Variants in KHSRP observed in about 807,000 individuals in gnomAD.
The protein encoded by KHSRP is KH-type splicing regulatory protein.
In KHSRP, 13 loss-of-function variants were observed where a neutral mutation model predicts 94.9. The ratio of observed to expected loss-of-function variants is 0.14; its 90% CI spans 0.09 to 0.22. KHSRP has a LOEUF of 0.22. Among genes scored for constraint, KHSRP ranks in the 10% least tolerant of loss-of-function variants. The pLI, the probability that KHSRP is intolerant of heterozygous loss-of-function variation, is 1.00. For missense variants in KHSRP, 710 were observed against 1,010.0 expected (o/e 0.70, Z 4.03); for synonymous variants, 495 against 401.4 (o/e 1.23, Z -2.79).
At chr19:6,417,643 C>T in intron 11 of KHSRP, 96 bp downstream of exon 11, 2 of 967,660 alleles carry the variant, frequency 2.1e-6, no homozygotes, top group Non-Finnish European at 1.6e-6. Flanking sequence ...GCTATGGAGG[C>T]CACCTGGCTG....
intron 6 of KHSRP, 102 bp from the exon 7 acceptor site, chr19:6,419,362 G>C: frequency 1.0e-6 from 1 of 998,380 alleles, no homozygotes; most frequent in Non-Finnish European, 1.5e-6. Flanking sequence ...GGCCACTTCT[G>C]TCCCATTCAG....
chr19:6,414,137 GAT>G lies in KHSRP; in HGVS notation c.*885_*886del. The G allele has an allele frequency of 1.1e-6, 1 of 947,432 alleles. No homozygotes were observed. The highest frequency in any genetic ancestry group is 1.3e-5 in the South Asian group (1 of 78,560). 58.7% of individuals were successfully genotyped at this position (947,432 alleles called of 1,614,324 possible). On this transcript the variant is annotated 3_prime_UTR_variant, in exon 19 of 19. Transcript: ENST00000600480. Reference sequence around the variant, plus strand: ...TCATTGAGCCTGCGGAGAGGGAAGAGATAGGAATTGGTCACTACGGGGAGGGA... The same window carrying G: ...TCATTGAGCCTGCGGAGAGGGAAGAGAGGAATTGGTCACTACGGGGAGGGA...
At position 6,418,652 on chromosome 19, in the gene KHSRP, TGG is replaced by T. The variant is rs1157894419; in HGVS notation, c.780+48_780+49del. On this transcript the variant is annotated intron_variant, in intron 8 of 18. Coordinates refer to ENST00000600480, the MANE Select transcript of KHSRP (RefSeq NM_001366299.1). This position sits in a 1 kb window ranked among gnomAD's most constrained non-coding sequence, Gnocchi z 4.3. ...TCCTGGGCTGCTGTGGTGGTGGCGG[TGG>T]GGTGTGGCACACGGATGCAGAGGAA... 6.2e-7 allele frequency: 1 copy of T among 1,613,318 alleles called. No individual in the cohort carries two copies. Among genetic ancestry groups the T allele is most frequent in the Non-Finnish European group, 8.5e-7 (1 of 1,179,402 alleles).
Position 6,418,783 on chromosome 19 carries a change from G to T in KHSRP, c.699C>A (p.Gly233=), listed in dbSNP as rs1808807004. The T allele has an allele frequency of 6.2e-7, 1 of 1,603,634 alleles. No homozygotes were observed. Among genetic ancestry groups the T allele is most frequent in the Non-Finnish European group, 8.5e-7 (1 of 1,176,874 alleles). ...FHDNANGGQN[G]TVQEIMIPAG... ...CGGGGATCATGATCTCCTGCACGGT[G>T]CCGTTCTGGCCCCCGTTGGCGTTGT... The change falls in exon 8 of 19, where the codon GGC becomes GGA. Residue 233 remains glycine, a synonymous_variant. Transcript: ENST00000600480. The surrounding 1 kb of genome is among the most constrained non-coding windows in gnomAD (Gnocchi z 4.3).
Position 6,415,148 on chromosome 19 carries a change from T to C in KHSRP, c.2120A>G (p.Gln707Arg). Residue 707 changes from glutamine (Q) to arginine (R), a missense_variant, in exon 19 of 19, where the codon CAG becomes CGG. Transcript: ENST00000600480. ...GPQPPPTQQGQQQASGNCHPP... is the reference protein window; with the variant it reads ...GPQPPPTQQGRQQASGNCHPP... ...GTGGCAATTCCCACTTGCCTGCTGC[T>C]GTCCCTGCTGCGTGGGCGGCGGCTG... 2 of 1,604,168 alleles carry C rather than the reference T, an allele frequency of 1.2e-6. No individual in the cohort carries two copies. Among genetic ancestry groups the C allele is most frequent in the Non-Finnish European group, 1.7e-6 (2 of 1,178,732 alleles).
chr19:6,421,443 G>A (rs1224869447), intron 3 of KHSRP, 126 bp from the exon 4 acceptor site: 2 of 1,047,884 alleles, frequency 1.9e-6, no homozygotes, highest in Non-Finnish European at 2.8e-6. Context: ...GTGCCTCATG[G>A]ATGCTGTGGA....
Position 6,414,209 on chromosome 19 carries a change from C to A in KHSRP, c.*815G>T. The A allele has an allele frequency of 6.8e-7, 1 of 1,464,628 alleles. No homozygotes were observed. The highest frequency in any genetic ancestry group is 9.1e-7 in the Non-Finnish European group (1 of 1,102,310). The allele number at this position is 1,464,628 out of a possible 1,614,324, so 90.7% of individuals were successfully genotyped here. A position where few individuals can be genotyped will look rare whatever the true frequency, so the allele number is the denominator to read the frequency against. On this transcript the variant is annotated 3_prime_UTR_variant, in exon 19 of 19. Transcript: ENST00000600480. ...CGGAAGAGAGGAGGGGCTGGAACACCGTGGGGGGGGCCAGGAAGCCCCCTC... is the reference window on the plus strand; with the variant it reads ...CGGAAGAGAGGAGGGGCTGGAACACAGTGGGGGGGGCCAGGAAGCCCCCTC...
rs1449264330 is a variant in KHSRP, at chr19:6,415,635, G to A, written c.1787C>T (p.Pro596Leu). 8 of 1,528,490 alleles carry A rather than the reference G, an allele frequency of 5.2e-6. No homozygotes were observed. Among genetic ancestry groups the A allele is most frequent in the Middle Eastern group, 2.0e-4 (1 of 5,102 alleles). The allele number at this position is 1,528,490 out of a possible 1,614,324, so 94.7% of individuals were successfully genotyped here. A position where few individuals can be genotyped will look rare whatever the true frequency, so the allele number is the denominator to read the frequency against. ...CTGAGCCGGTGGGGCCGCAGGGGCC[G>A]GTGCGGGGCCGGGGACGGGGCCCGG... ...QPPGPVPGPAPAPAAPPAQGE... is the reference protein window; with the variant it reads ...QPPGPVPGPALAPAAPPAQGE... Residue 596 changes from proline to leucine, a missense_variant, in exon 17 of 19, where the codon CCG (proline) becomes CTG (leucine). Pro to Leu is a moderately conservative substitution (Grantham distance 98). Around this residue, in one of 5 missense-constraint regions of KHSRP, gnomAD observed 292 missense variants for 340.5 expected, o/e 0.86. Coordinates refer to ENST00000600480, the MANE Select transcript of KHSRP (RefSeq NM_001366299.1).
In KHSRP at chr19:6,418,991, G is replaced by T; in HGVS notation, c.606-115C>A. On this transcript the variant is annotated intron_variant, in intron 7 of 18. Coordinates refer to ENST00000600480, the MANE Select transcript of KHSRP (RefSeq NM_001366299.1). This position sits in a 1 kb window ranked among gnomAD's most constrained non-coding sequence, Gnocchi z 4.3. ...CCCCAGAGTGTGCAAGGATGACAGGGAAGAGGGGCCAGTCACAGGGGCTGT... is the reference window on the plus strand; with the variant it reads ...CCCCAGAGTGTGCAAGGATGACAGGTAAGAGGGGCCAGTCACAGGGGCTGT... 8.1e-7 allele frequency: 1 copy of T among 1,228,834 alleles called. No homozygotes were observed. The highest frequency in any genetic ancestry group is 1.1e-6 in the Non-Finnish European group (1 of 906,512). The allele number at this position is 1,228,834 out of a possible 1,614,324, so 76.1% of individuals were successfully genotyped here.
Position 6,418,748 on chromosome 19 carries a change from G to A in KHSRP, c.734C>T (p.Ala245Val). 6.2e-7 allele frequency: 1 copy of A among 1,613,210 alleles called. No individual in the cohort carries two copies. The highest frequency in any genetic ancestry group is 8.5e-7 in the Non-Finnish European group (1 of 1,179,662). The change falls in exon 8 of 19, where the codon GCC (alanine) becomes GTC (valine). Residue 245 changes from alanine to valine, a missense_variant. Coordinates refer to ENST00000600480, the MANE Select transcript of KHSRP (RefSeq NM_001366299.1). This position sits in a 1 kb window ranked among gnomAD's most constrained non-coding sequence, Gnocchi z 4.3. ...VQEIMIPAGK[A>V]GLVIGKGGET... ...CCCGCCCTTGCCAATGACCAGGCCG[G>A]CCTTGCCCGCGGGGATCATGATCTC...
rs1471117395 is a variant in KHSRP, at chr19:6,414,691, A to G, written c.*333T>C. ...GGAAAAAAGATCATGGGTTTAAAAA[A>G]TAAAAGAATAAAAAGAACAAAAACC... On this transcript the variant is annotated 3_prime_UTR_variant, in exon 19 of 19. Coordinates refer to ENST00000600480, the MANE Select transcript of KHSRP (RefSeq NM_001366299.1). The G allele has an allele frequency of 9.8e-7, 1 of 1,020,588 alleles. No homozygotes were observed. The highest frequency in any genetic ancestry group is 1.2e-6 in the Non-Finnish European group (1 of 853,508). 63.2% of individuals were successfully genotyped at this position (1,020,588 alleles called of 1,614,324 possible). A position where few individuals can be genotyped will look rare whatever the true frequency, so the allele number is the denominator to read the frequency against.
At chr19:6,421,928 C>T (rs986670867) in intron 2 of KHSRP, among the ~76,000 whole-genome samples, 3 of 152,194 alleles carry the variant, frequency 2.0e-5, no homozygotes, top group African/African-American at 7.2e-5. Flanking sequence ...CACCTGAGTC[C>T]TCCCGGTTTA....
Position 6,415,719 on chromosome 19 carries a change from G to A in KHSRP, c.1703C>T (p.Ala568Val), listed in dbSNP as rs1001574119. Residue 568 changes from alanine to valine, a missense_variant, in exon 17 of 19, where the codon GCG (alanine) becomes GTG (valine). Ala to Val is a moderately conservative substitution (Grantham distance 64). This residue lies in a region of KHSRP where 292 missense variants were observed against 340.5 expected (regional missense o/e 0.86). Transcript: ENST00000600480. ...APHDPSKAAA[A>V]AADPNAAWAA... ...CCACGCGGCGTTGGGGTCCGCGGCCGCTGCAGCTGCTTTGCCTGCAGGAGA... is the reference window on the plus strand; with the variant it reads ...CCACGCGGCGTTGGGGTCCGCGGCCACTGCAGCTGCTTTGCCTGCAGGAGA... The A allele has an allele frequency of 8.4e-6, 13 of 1,549,668 alleles. No individual in the cohort carries two copies. Among genetic ancestry groups the A allele is most frequent in the African/African-American group, 1.4e-5 (1 of 73,058 alleles).
chr19:6,414,356 G>C lies in KHSRP; in HGVS notation c.*668C>G, dbSNP rs1179246522. ...GAAGGAGGGACAGAGCAGGAAGAGAGGAGAGGGGCCGCGGAGGGCGGAGGC... is the reference window on the plus strand; with the variant it reads ...GAAGGAGGGACAGAGCAGGAAGAGACGAGAGGGGCCGCGGAGGGCGGAGGC... On this transcript the variant is annotated 3_prime_UTR_variant, in exon 19 of 19. Transcript: ENST00000600480. 3.6e-6 allele frequency: 5 copies of C among 1,370,434 alleles called. No individual in the cohort carries two copies. In the South Asian group the frequency reaches 7.8e-5, roughly 21 times the overall value. The allele number at this position is 1,370,434 out of a possible 1,614,324, so 84.9% of individuals were successfully genotyped here. A position where few individuals can be genotyped will look rare whatever the true frequency, so the allele number is the denominator to read the frequency against.
chr19:6,414,879 C>A lies in KHSRP; in HGVS notation c.*145G>T. 4 of 1,351,024 alleles carry A rather than the reference C, an allele frequency of 3.0e-6. No individual in the cohort carries two copies. The South Asian group carries it at 7.4e-5, about 25-fold the overall frequency. The allele number at this position is 1,351,024 out of a possible 1,614,324, so 83.7% of individuals were successfully genotyped here. On this transcript the variant is annotated 3_prime_UTR_variant, in exon 19 of 19. Transcript: ENST00000600480. ...AGTCCCGCCTGCGAGTCTCAGCGCT[C>A]CCCAGCATCACGACAGCGGCACACA... is the stretch of plus-strand genomic sequence containing the variant.
chr19:6,420,961 C>T (rs1000118096), intron 4 of KHSRP: 2 of 417,648 alleles, frequency 4.8e-6, no homozygotes, highest in Non-Finnish European at 8.7e-6. Context: ...GAAGCAAGGC[C>T]CTCCTAGCCT....
At chr19:6,420,925 G>A (rs2092191398) in intron 4 of KHSRP, 10 of 392,878 alleles carry the variant, frequency 2.5e-5, no homozygotes, top group South Asian at 1.7e-4. Flanking sequence ...TGAGTGGGAT[G>A]GGCACTTGCA....
At chr19:6,422,160 T>C (rs1353369994) in intron 2 of KHSRP, among the ~76,000 whole-genome samples, 180 bp downstream of exon 2, 1 of 152,166 alleles carries the variant, frequency 6.6e-6, no homozygotes, top group African/African-American at 2.4e-5. Context: ...CCCTCCTCTC[T>C]GCCACCTGAT....
In KHSRP at chr19:6,422,416, G is replaced by A. The variant is rs755058483; in HGVS notation, c.270C>T (p.Gly90=). The change falls in exon 2 of 19, where the codon GGC becomes GGT. Residue 90 remains glycine (G), a synonymous_variant. Coordinates refer to ENST00000600480, the MANE Select transcript of KHSRP (RefSeq NM_001366299.1). Reference sequence around the variant, plus strand: ...TGTTATTCACTGTCGTGGCAGCATCGCCTCCAATTTTGGCTGCAATCTAGA... The same window carrying A: ...TGTTATTCACTGTCGTGGCAGCATCACCTCCAATTTTGGCTGCAATCTAGA... ...RARQIAAKIG[G]DAATTVNNST... 8 of 1,613,368 alleles carry A rather than the reference G, an allele frequency of 5.0e-6. No homozygotes were observed. Among genetic ancestry groups the A allele is most frequent in the South Asian group, 3.3e-5 (3 of 91,072 alleles).
Sources: gnomAD v4.1 joint callset for allele counts (sites outside exome capture counted in the v4.1 genomes callset) on GRCh38, gnomAD v4.1.1 for gene constraint, gnomAD v4.1.1 regional missense constraint, Gnocchi (gnomAD v3.1) non-coding constraint, MANE v1.5 for transcripts, NCBI Gene and HGNC (gene_info 2026-07-23, HGNC 2026-07-21) for gene names.